CASD1: variants seen among roughly 807,000 people sequenced by gnomAD.
The protein encoded by CASD1 is CAS1 domain sialic acid O acetyltransferase 1, also known as N-acetylneuraminate (7)9-O-acetyltransferase.
CASD1 carries 41 observed loss-of-function variants against 100.0 expected under a neutral mutation model. The observed-to-expected ratio is 0.41, with a 90% CI of 0.32 to 0.53. CASD1 has a LOEUF of 0.53. Ranked by LOEUF, CASD1 falls within the 20% of genes least tolerant of loss-of-function variation. The pLI is 0.25. For synonymous variants in CASD1, 321 were observed against 315.6 expected (o/e 1.02, Z -0.18); for missense variants, 774 against 948.7 (o/e 0.82, Z 2.42).
downstream of CASD1, among the ~76,000 whole-genome samples, chr7:94,559,324 G>A (rs943916144): frequency 1.1e-3 from 138 of 128,304 alleles, 2 homozygotes; most frequent in South Asian, 5.0e-3. Flanking sequence ...GTGTGTGTGT[G>A]TATATATATA....
At chr7:94,599,055 CT>C in the CASD1 span, 4,196 of 931,888 alleles carry the variant, frequency 4.5e-3, 29 homozygotes, top group South Asian at 8.6e-3. Context: ...GTATTTTTAT[CT>C]TTTAAAATAA....
chr7:94,553,391 T>C (rs1199953822), intron 16 of CASD1, among the ~76,000 whole-genome samples: 2 of 152,188 alleles, frequency 1.3e-5, no homozygotes, highest in African/African-American at 4.8e-5. Flanking sequence ...TTTGATGCTA[T>C]TGCCCATGAG....
the CASD1 span, chr7:94,628,453 T>C: frequency 8.9e-7 from 1 of 1,120,476 alleles, no homozygotes; most frequent in South Asian, 1.4e-5. Context: ...TAAAATTTTT[T>C]TCTTACATTT....
the CASD1 span, chr7:94,587,120 TAAAC>T: frequency 6.1e-6 from 6 of 983,740 alleles, no homozygotes; most frequent in Non-Finnish European, 7.2e-6. Flanking sequence ...TAAATTAGGT[TAAAC>T]AACCTTAAAA....
chr7:94,543,392 G>A (rs1795515352), intron 10 of CASD1, among the ~76,000 whole-genome samples: 1 of 152,170 alleles, frequency 6.6e-6, no homozygotes, highest in Admixed American at 6.5e-5. Flanking sequence ...AGTGGCTCAT[G>A]CCTGTAATCT....
the CASD1 span, chr7:94,603,256 T>C: frequency 6.4e-7 from 1 of 1,568,058 alleles, no homozygotes; most frequent in Non-Finnish European, 8.8e-7. Context: ...ACATTATTTT[T>C]AACTAAACTT....
chr7:94,597,467 G>A, the CASD1 span: 1 of 152,040 alleles, frequency 6.6e-6, no homozygotes, highest in Non-Finnish European at 1.5e-5. Context: ...AGCACTCAAT[G>A]GGAAAAATGT....
At chr7:94,604,954 G>T in the CASD1 span, among the ~76,000 whole-genome samples, 1 of 150,176 alleles carries the variant, frequency 6.7e-6, no homozygotes, top group Non-Finnish European at 1.5e-5. Context: ...GAAATTCATG[G>T]TCCTGAGGCA....
chr7:94,563,913 C>A, the CASD1 span, among the ~76,000 whole-genome samples: 1 of 152,146 alleles, frequency 6.6e-6, no homozygotes, highest in Non-Finnish European at 1.5e-5. Flanking sequence ...AGTGGCAAGA[C>A]TACTAGTCTT....
chr7:94,574,525 C>T, the CASD1 span, among the ~76,000 whole-genome samples: 4 of 152,014 alleles, frequency 2.6e-5, no homozygotes, highest in African/African-American at 9.7e-5. Context: ...TAGAGGTATT[C>T]GTAGTAGTTT....
chr7:94,622,589 A>C, the CASD1 span: 3 of 151,438 alleles, frequency 2.0e-5, no homozygotes, highest in Non-Finnish European at 4.4e-5. Flanking sequence ...AGATGGTGCC[A>C]TTGCACTCCA....
At chr7:94,529,168 G>A (rs932095907) in intron 5 of CASD1, among the ~76,000 whole-genome samples, 3 of 152,102 alleles carry the variant, frequency 2.0e-5, no homozygotes, top group African/African-American at 7.2e-5. Context: ...GTTTTTAAAT[G>A]TCCAGAAGTG....
chr7:94,511,987 G>A (rs1012142115), intron 1 of CASD1, among the ~76,000 whole-genome samples: 1 of 152,162 alleles, frequency 6.6e-6, no homozygotes, highest in Non-Finnish European at 1.5e-5. Context: ...GCATACACCT[G>A]GTGAGTGTAC....
downstream of CASD1, among the ~76,000 whole-genome samples, chr7:94,557,943 A>G (rs781700560): frequency 3.2e-4 from 48 of 152,248 alleles, no homozygotes; most frequent in African/African-American, 8.7e-4. Flanking sequence ...GCATTACTCA[A>G]TCATACCATT....
At position 94,537,452 on chromosome 7, in the gene CASD1, ATAACT is replaced by A. The variant is rs1168132228; in HGVS notation, c.844-18_844-14del. 1 of 1,576,142 alleles carries A rather than the reference ATAACT, an allele frequency of 6.3e-7. No individual in the cohort carries two copies. The highest frequency in any genetic ancestry group is 8.6e-7 in the Non-Finnish European group (1 of 1,163,800). ...ACATCACTGACAAGATAATAACCAA[ATAACT>A]TGATTTGTTCACAGACTGCAATGAT... On this transcript the variant is annotated splice_polypyrimidine_tract_variant and intron_variant, in intron 8 of 17. Coordinates refer to ENST00000297273, the MANE Select transcript of CASD1 (RefSeq NM_022900.5).
chr7:94,562,308 C>G, the CASD1 span, among the ~76,000 whole-genome samples: 1 of 152,282 alleles, frequency 6.6e-6, no homozygotes, highest in African/African-American at 2.4e-5. Context: ...CTATATTTTG[C>G]CTAGCCTTAT....
the CASD1 span, among the ~76,000 whole-genome samples, chr7:94,610,106 GA>G: frequency 6.6e-6 from 1 of 152,182 alleles, no homozygotes; most frequent in Non-Finnish European, 1.5e-5. Flanking sequence ...AGCAAATATG[GA>G]AAGGCTACAG....
At chr7:94,598,830 G>A in the CASD1 span, 2 of 1,613,426 alleles carry the variant, frequency 1.2e-6, no homozygotes, top group Non-Finnish European at 1.7e-6. Context: ...GTGTGTAAAG[G>A]AGGTATGATT....
At chr7:94,525,991 C>T (rs1261818869) in intron 3 of CASD1, among the ~76,000 whole-genome samples, 1 of 152,154 alleles carries the variant, frequency 6.6e-6, no homozygotes, top group African/African-American at 2.4e-5. Context: ...TTATGTAGAA[C>T]ATTTGGTTAC....
Sources: allele counts gnomAD v4.1 joint callset (sites outside exome capture counted in the v4.1 genomes callset), GRCh38; gene constraint gnomAD v4.1.1; transcripts MANE v1.5; gene names NCBI Gene and HGNC (gene_info 2026-07-23, HGNC 2026-07-21).